CAPN2: variants seen among roughly 807,000 people sequenced by gnomAD.
CAPN2 encodes calpain-2 catalytic subunit.
In CAPN2, 92 loss-of-function variants were observed where a neutral mutation model predicts 102.3. The ratio of observed to expected loss-of-function variants is 0.90; its 90% CI spans 0.76 to 1.07. The LOEUF (loss-of-function observed/expected upper bound fraction) is 1.07. Ranked by LOEUF, CAPN2 falls within the 50% of genes least tolerant of loss-of-function variation. The probability of loss-of-function intolerance (pLI) is 0.00; values close to 1 mark genes in which losing one functional copy is unlikely to be tolerated. For synonymous variants in CAPN2, 340 were observed against 355.4 expected, an observed-to-expected ratio of 0.96 and a Z score of 0.49; for missense variants, 800 against 909.4, an observed-to-expected ratio of 0.88 and a Z score of 1.55.
At chr1:223,757,798 G>A (rs1222966302) in intron 11 of CAPN2, 4 of 205,324 alleles carry the variant, frequency 1.9e-5, no homozygotes, top group Non-Finnish European at 2.9e-5. Flanking sequence ...TTCCCAGGCT[G>A]TGTGACCTTG....
chr1:223,717,922 C>A, intron 2 of CAPN2, 91 bp downstream of exon 2: 1 of 960,510 alleles, frequency 1.0e-6, no homozygotes, highest in Non-Finnish European at 1.7e-6. Context: ...TCTCTCCCTT[C>A]CCAAGCAGCT....
At chr1:223,768,747 G>C (rs1661398948) in intron 16 of CAPN2, among the ~76,000 whole-genome samples, 1 of 151,230 alleles carries the variant, frequency 6.6e-6, no homozygotes, top group African/African-American at 2.4e-5. Flanking sequence ...GCTTGATGGG[G>C]ATGGCATTGA....
At position 223,730,339 on chromosome 1, in the gene CAPN2, AT is replaced by A. The variant is rs59202117; in HGVS notation, c.307+12522del. Among the ~76,000 whole-genome samples the A allele has an allele frequency of 0.016, 888 of 56,662 alleles. 33 individuals carry two copies. The East Asian group carries it at 0.22, about 14-fold the overall frequency. 37.2% of individuals were successfully genotyped at this position (56,662 alleles called of 152,430 possible). ...GTGAACTTTCTCAAAATATTATGAG[AT>A]TTTTTTTTTTTTTAGCTCATCATCT... is the stretch of plus-strand genomic sequence containing the variant. On this transcript the variant is annotated intron_variant, in intron 2 of 20. Transcript: ENST00000295006.
rs574232182 is a variant in CAPN2, at chr1:223,759,879, G to C, written c.1529+398G>C. Among the ~76,000 whole-genome samples, 5 of 152,104 alleles carry C rather than the reference G, an allele frequency of 3.3e-5. No individual in the cohort carries two copies. The highest frequency in any genetic ancestry group is 4.8e-5 in the African/African-American group (2 of 41,412). On this transcript the variant is annotated intron_variant, in intron 12 of 20. Transcript: ENST00000295006. The surrounding 1 kb of genome is among the most constrained non-coding windows in gnomAD (Gnocchi z 4.6). The stretch of plus-strand genomic sequence containing the variant: ...CACCTGGCCTAGCAGAGCCACCAAG[G>C]GTGTAAGGTGGGAACCATCTCAACG...
At chr1:223,774,418 G>A (rs1661560333) in intron 20 of CAPN2, among the ~76,000 whole-genome samples, 1 of 152,170 alleles carries the variant, frequency 6.6e-6, no homozygotes, top group Non-Finnish European at 1.5e-5. Flanking sequence ...TGTCCTGTCT[G>A]TATCCCAGAC....
At chr1:223,750,799 T>C in intron 6 of CAPN2, 91 bp from the exon 7 acceptor site, 1 of 1,199,062 alleles carries the variant, frequency 8.3e-7, no homozygotes, top group Admixed American at 2.0e-5. Flanking sequence ...CCATACCTCC[T>C]GGCTCATGCG....
In CAPN2 at chr1:223,725,985, G is replaced by A. The variant is rs139281680; in HGVS notation, c.307+8154G>A. 2.3e-3 allele frequency among the ~76,000 whole-genome samples: 354 copies of A among 152,242 alleles called. No homozygotes were observed. Among genetic ancestry groups the A allele is most frequent in the South Asian group, 3.7e-3 (18 of 4,822 alleles). ...AGGTGCCACTGGAACCCAGGGCCTCGTGGGTTTCCTCCGTCTCTCGGGAGA... is the reference window on the plus strand; with the variant it reads ...AGGTGCCACTGGAACCCAGGGCCTCATGGGTTTCCTCCGTCTCTCGGGAGA... On this transcript the variant is annotated intron_variant, in intron 2 of 20. Transcript: ENST00000295006. This position sits in a 1 kb window ranked among gnomAD's most constrained non-coding sequence, Gnocchi z 4.1.
chr1:223,742,168 A>C (rs1211067447), intron 2 of CAPN2, among the ~76,000 whole-genome samples: 1 of 152,104 alleles, frequency 6.6e-6, no homozygotes, highest in East Asian at 1.9e-4. Flanking sequence ...GAGGCAGGCG[A>C]TCACCTGAGG....
rs531601669 is a variant in CAPN2, at chr1:223,731,511, C to T, written c.308-12589C>T. Reference sequence around the variant, plus strand: ...TCCTACAGTCCCAGTCTGCCCTGTTCAGACTCAAAGCCTCATGCTCACCAC... The same window carrying T: ...TCCTACAGTCCCAGTCTGCCCTGTTTAGACTCAAAGCCTCATGCTCACCAC... On this transcript the variant is annotated intron_variant, in intron 2 of 20. Coordinates refer to ENST00000295006, the MANE Select transcript of CAPN2 (RefSeq NM_001748.5). This position sits in a 1 kb window ranked among gnomAD's most constrained non-coding sequence, Gnocchi z 4.2. 1.7e-4 allele frequency among the ~76,000 whole-genome samples: 26 copies of T among 152,182 alleles called. No individual in the cohort carries two copies. Among genetic ancestry groups the T allele is most frequent in the Non-Finnish European group, 2.5e-4 (17 of 68,026 alleles).
intron 2 of CAPN2, among the ~76,000 whole-genome samples, chr1:223,733,823 A>G (rs1660386847): frequency 1.3e-5 from 2 of 152,354 alleles, no homozygotes; most frequent in African/African-American, 4.8e-5. Context: ...GTGTCCCAGA[A>G]TGGGCCAGAG....
At chr1:223,732,733 C>G (rs1660365333) in intron 2 of CAPN2, among the ~76,000 whole-genome samples, 2 of 152,202 alleles carry the variant, frequency 1.3e-5, no homozygotes, top group African/African-American at 4.8e-5. Flanking sequence ...TGGAGTTGCT[C>G]TAGTTCACAC....
intron 2 of CAPN2, among the ~76,000 whole-genome samples, chr1:223,724,812 A>G (rs1001101534): frequency 6.6e-6 from 1 of 152,038 alleles, no homozygotes; most frequent in Non-Finnish European, 1.5e-5. Context: ...CCACAAAAAA[A>G]AATTTTTTTA....
At chr1:223,717,702 TC>T in intron 1 of CAPN2, 59 bp from the exon 2 acceptor site, 1 of 1,359,822 alleles carries the variant, frequency 7.4e-7, no homozygotes, top group Admixed American at 1.7e-5. Context: ...AATGGAGGCA[TC>T]CTAGCTGCAG....
At chr1:223,747,325 G>A (rs1235526004) in intron 5 of CAPN2, among the ~76,000 whole-genome samples, 160 bp downstream of exon 5, 1 of 152,146 alleles carries the variant, frequency 6.6e-6, no homozygotes, top group Non-Finnish European at 1.5e-5. Flanking sequence ...CTGAAGGTCC[G>A]CTGAAAATCA....
upstream of CAPN2, chr1:223,712,499 T>C: frequency 8.4e-7 from 1 of 1,196,964 alleles, no homozygotes; most frequent in Non-Finnish European, 1.0e-6. Flanking sequence ...GCCGGGCCGC[T>C]TCCCTCCGGT....
intron 5 of CAPN2, 30 bp from the exon 6 acceptor site, chr1:223,749,009 C>T (rs1025470319): frequency 1.2e-5 from 19 of 1,595,036 alleles, no homozygotes; most frequent in Non-Finnish European, 1.6e-5. Context: ...AGAGCGGGTG[C>T]GGCCAGTCTG....
Position 223,755,156 on chromosome 1 carries a change from A to G in CAPN2, c.1136-324A>G, listed in dbSNP as rs1660999691. 6.6e-6 allele frequency among the ~76,000 whole-genome samples: 1 copy of G among 151,846 alleles called. No individual in the cohort carries two copies. Among genetic ancestry groups the G allele is most frequent in the Non-Finnish European group, 1.5e-5 (1 of 67,928 alleles). Reference sequence around the variant, plus strand: ...CTCCCACCTCCTAGCCTCTCCCAACATCGCCTGCCGTCTCTGACCATCTTC... The same window carrying G: ...CTCCCACCTCCTAGCCTCTCCCAACGTCGCCTGCCGTCTCTGACCATCTTC... On this transcript the variant is annotated intron_variant, in intron 9 of 20. Transcript: ENST00000295006. The surrounding 1 kb of genome is among the most constrained non-coding windows in gnomAD (Gnocchi z 4.1).
rs1280391166 is a variant in CAPN2 at position 223,712,990 on chromosome 1, C to A, written c.237+113C>A. 58 of 731,164 alleles carry A rather than the reference C, an allele frequency of 7.9e-5. 1 individual carries two copies. Among genetic ancestry groups the A allele is most frequent in the Non-Finnish European group, 8.7e-5 (46 of 528,182 alleles). The allele number at this position is 731,164 out of a possible 1,614,324, so 45.3% of individuals were successfully genotyped here. A position where few individuals can be genotyped will look rare whatever the true frequency, so the allele number is the denominator to read the frequency against. On this transcript the variant is annotated intron_variant, in intron 1 of 20. Coordinates refer to ENST00000295006, the MANE Select transcript of CAPN2 (RefSeq NM_001748.5). Reference sequence around the variant, plus strand: ...CAGCCCGGGTGCTGCAGTGGGGAAGCCGCAAGCCAGGACCTCGCAGTCCTG... The same window carrying A: ...CAGCCCGGGTGCTGCAGTGGGGAAGACGCAAGCCAGGACCTCGCAGTCCTG...
At position 223,755,660 on chromosome 1, in the gene CAPN2, C is replaced by G; in HGVS notation, c.1305+11C>G. 6.4e-7 allele frequency: 1 copy of G among 1,557,930 alleles called. No individual in the cohort carries two copies. The highest frequency in any genetic ancestry group is 8.7e-7 in the Non-Finnish European group (1 of 1,152,336). ...TTTGGCATCTATGAGGTGCAGAGCG[C>G]AGGGGCTCCTGCCCTCCCTTCCCCA... On this transcript the variant is annotated intron_variant, in intron 10 of 20. Transcript: ENST00000295006. The surrounding 1 kb of genome is among the most constrained non-coding windows in gnomAD (Gnocchi z 4.1).
Sources: allele counts gnomAD v4.1 joint callset (sites outside exome capture counted in the v4.1 genomes callset), GRCh38; gene constraint gnomAD v4.1.1; non-coding constraint Gnocchi (gnomAD v3.1); transcripts MANE v1.5; gene names NCBI Gene and HGNC (gene_info 2026-07-23, HGNC 2026-07-21).